Variants in TMEM44 observed in about 807,000 individuals in gnomAD.
TMEM44 encodes the protein transmembrane protein 44.
A neutral mutation model predicts 47.8 loss-of-function variants in TMEM44; 43 were observed. That is an observed-to-expected ratio of 0.90 (90% CI 0.70 to 1.16). TMEM44 has a LOEUF of 1.16. Ranked by LOEUF, TMEM44 falls within the 50% of genes most tolerant of loss-of-function variation. TMEM44 has a pLI of 0.00. For synonymous variants in TMEM44, 277 were observed against 238.8 expected (o/e 1.16, Z -1.48); for missense variants, 568 against 555.2 (o/e 1.02, Z -0.23).
chr3:194,618,611 T>C lies in TMEM44; in HGVS notation c.613-1342A>G, dbSNP rs1008584326. On this transcript the variant is annotated intron_variant, in intron 5 of 9. Transcript: ENST00000347147. ...TATAATTCAGTTTATATATAATACA[T>C]ATAAAATTTAGTTTATATACATAAT... Among the ~76,000 whole-genome samples the C allele has an allele frequency of 3.4e-4, 50 of 149,170 alleles. 1 individual carries two copies. The highest frequency in any genetic ancestry group is 1.5e-5 in the Non-Finnish European group (1 of 67,486).
intron 9 of TMEM44, chr3:194,590,051 G>C (rs976847705): frequency 1.3e-5 from 2 of 152,190 alleles, no homozygotes; most frequent in African/African-American, 4.8e-5. Context: ...ATAGACCCAG[G>C]CATGGACATG....
rs151037508 is a variant in TMEM44 at position 194,619,772 on chromosome 3, C to T, written c.613-2503G>A. On this transcript the variant is annotated intron_variant, in intron 5 of 9. Transcript: ENST00000347147. ...TAGCTCTCGGCTCTTCCTCCTGGAA[C>T]CAGAGTCACTGAGAGGCAGCAGCAG... Among the ~76,000 whole-genome samples the T allele has an allele frequency of 6.8e-3, 1,030 of 152,328 alleles. 1 individual carries two copies. Among genetic ancestry groups the T allele is most frequent in the Middle Eastern group, 0.017 (5 of 294 alleles).
chr3:194,623,771 C>G lies in TMEM44; in HGVS notation c.359-76G>C. ...AGATCAGATAGCTGCGTGGGAAGAA[C>G]TGGTGTCAGCTCCCCACATGATGCT... On this transcript the variant is annotated intron_variant, in intron 3 of 9. Transcript: ENST00000347147. 5 of 1,574,674 alleles carry G rather than the reference C, an allele frequency of 3.2e-6. No individual in the cohort carries two copies. The South Asian group carries it at 4.6e-5, about 15-fold the overall frequency.
intron 9 of TMEM44, chr3:194,589,656 G>A (rs937292235): frequency 2.6e-5 from 4 of 152,194 alleles, no homozygotes; most frequent in African/African-American, 9.7e-5. Flanking sequence ...ATTTGCAGGG[G>A]TGAGTGACGG....
chr3:194,626,654 G>A (rs1232347303), intron 2 of TMEM44, among the ~76,000 whole-genome samples: 3 of 151,996 alleles, frequency 2.0e-5, no homozygotes, highest in African/African-American at 4.8e-5. Flanking sequence ...AACACAAAAC[G>A]GTCTGTAGTG....
Position 194,611,005 on chromosome 3 carries a change from G to T in TMEM44, c.928C>A (p.Pro310Thr). The T allele has an allele frequency of 6.2e-7, 1 of 1,613,944 alleles. No homozygotes were observed. The change falls in exon 8 of 10, where the codon CCT becomes ACT. Residue 310 changes from proline (P) to threonine (T), a missense_variant. Pro to Thr is a conservative substitution (Grantham distance 38, BLOSUM62 -1). Transcript: ENST00000347147. The surrounding 1 kb of genome is among the most constrained non-coding windows in gnomAD (Gnocchi z 4.2). ...TTGCAGTGTGACAGTGTGGTGAGAGGCACCCAATCCAAATTCTTGCAAGTA... is the reference window on the plus strand; with the variant it reads ...TTGCAGTGTGACAGTGTGGTGAGAGTCACCCAATCCAAATTCTTGCAAGTA... The part of the protein sequence containing the change: ...EENQENLDWV[P>T]LTTLSHCKSL...
intron 9 of TMEM44, among the ~76,000 whole-genome samples, chr3:194,591,060 G>T (rs1387155568): frequency 6.7e-6 from 1 of 150,074 alleles, no homozygotes; most frequent in Non-Finnish European, 1.5e-5. Context: ...CAAGTATAGT[G>T]GTGGGCGCCC....
intron 9 of TMEM44, among the ~76,000 whole-genome samples, chr3:194,599,627 C>T (rs1022156197): frequency 3.5e-5 from 5 of 141,092 alleles, no homozygotes; most frequent in Admixed American, 1.5e-4. Flanking sequence ...TTCTATTGTC[C>T]AGGCTGGAAT....
chr3:194,619,789 C>T (rs1008250811), intron 5 of TMEM44, among the ~76,000 whole-genome samples: 1 of 152,196 alleles, frequency 6.6e-6, no homozygotes, highest in African/African-American at 2.4e-5. Flanking sequence ...CACTGAGAGG[C>T]AGCAGCAGCT....
At chr3:194,623,835 C>T (rs534809060) in intron 3 of TMEM44, 140 bp from the exon 4 acceptor site, 8 of 1,121,856 alleles carry the variant, frequency 7.1e-6, no homozygotes, top group Admixed American at 2.2e-5. Context: ...CCAGCTCCTC[C>T]CCACCCTTCA....
At position 194,588,071 on chromosome 3, in the gene TMEM44, G is replaced by A. The variant is rs1037872881; in HGVS notation, c.*458C>T. On this transcript the variant is annotated 3_prime_UTR_variant, in exon 10 of 10. Transcript: ENST00000347147. Reference sequence around the variant, plus strand: ...GTCTCGGTTCCTGTGTGTGACCCAAGGCCCCCCAGCACAGGGCCCACCCTC... The same window carrying A: ...GTCTCGGTTCCTGTGTGTGACCCAAAGCCCCCCAGCACAGGGCCCACCCTC... The A allele has an allele frequency of 1.9e-5, 3 of 155,360 alleles. No individual in the cohort carries two copies. Among genetic ancestry groups the A allele is most frequent in the African/African-American group, 7.2e-5 (3 of 41,496 alleles). The allele number at this position is 155,360 out of a possible 1,614,324, so 9.6% of individuals were successfully genotyped here. A position where few individuals can be genotyped will look rare whatever the true frequency, so the allele number is the denominator to read the frequency against.
chr3:194,625,830 G>A lies in TMEM44; in HGVS notation c.358+67C>T, dbSNP rs541911709. 5 of 1,380,250 alleles carry A rather than the reference G, an allele frequency of 3.6e-6. No individual in the cohort carries two copies. In the East Asian group the frequency reaches 7.0e-5, roughly 19 times the overall value. 85.5% of individuals were successfully genotyped at this position (1,380,250 alleles called of 1,614,324 possible). On this transcript the variant is annotated intron_variant, in intron 3 of 9. Coordinates refer to ENST00000347147, the MANE Select transcript of TMEM44 (RefSeq NM_001011655.3). ...GGGCCCGCTCTGGGAGTGATAAGGA[G>A]TAGGCATTCGGCGTGCTGATGAATG...
rs370371509 is a variant in TMEM44, at chr3:194,604,421, G to A, written c.1042C>T (p.Pro348Ser). 1.0e-5 allele frequency: 16 copies of A among 1,526,056 alleles called. No individual in the cohort carries two copies. The highest frequency in any genetic ancestry group is 1.4e-5 in the Non-Finnish European group (16 of 1,129,652). The allele number at this position is 1,526,056 out of a possible 1,614,324, so 94.5% of individuals were successfully genotyped here. The change falls in exon 9 of 10, where the codon CCA becomes TCA. Residue 348 changes from proline (P) to serine (S), a missense_variant. Pro to Ser is a moderately conservative substitution (Grantham distance 74, BLOSUM62 -1). Coordinates refer to ENST00000347147, the MANE Select transcript of TMEM44 (RefSeq NM_001011655.3). ...QQAGCSATRLPGDGQTSAGDA... is the reference protein window; with the variant it reads ...QQAGCSATRLSGDGQTSAGDA... ...CCGGCGCTCGTCTGCCCGTCACCTG[G>A]CAGCCTGGTGGCACTGCAGCCTGCC...
rs1715284366 is a variant in TMEM44 at position 194,611,138 on chromosome 3, T to G, written c.913-118A>C. On this transcript the variant is annotated intron_variant, in intron 7 of 9. Coordinates refer to ENST00000347147, the MANE Select transcript of TMEM44 (RefSeq NM_001011655.3). The surrounding 1 kb of genome is among the most constrained non-coding windows in gnomAD (Gnocchi z 4.2). ...CCGTGGTATTTTCTCTCTCTCTTTT[T>G]TAACGGCACGTCTCACTTTCTGCTT... 1 of 771,186 alleles carries G rather than the reference T, an allele frequency of 1.3e-6. No individual in the cohort carries two copies. The highest frequency in any genetic ancestry group is 1.7e-5 in the African/African-American group (1 of 57,990). The allele number at this position is 771,186 out of a possible 1,614,324, so 47.8% of individuals were successfully genotyped here.
intron 8 of TMEM44, 120 bp downstream of exon 8, chr3:194,610,796 T>TA: frequency 1.2e-6 from 1 of 861,270 alleles, no homozygotes; most frequent in Admixed American, 2.3e-5. Flanking sequence ...CCTTCTTTTT[T>TA]ACCTGCTTCT....
rs755686102 is a variant in TMEM44 at position 194,610,965 on chromosome 3, A to T, written c.968T>A (p.Met323Lys). The stretch of plus-strand genomic sequence containing the variant: ...CTCCATGTAGCGACTGATTGCTGTC[A>T]TTGTCCTCAGTGACTTGCAGTGTGA... ...TLSHCKSLRT[M>K]TAISRYMELT... The change falls in exon 8 of 10, where the codon ATG becomes AAG. Residue 323 changes from methionine (M) to lysine (K), a missense_variant. Met to Lys is a moderately conservative substitution (Grantham distance 95). Coordinates refer to ENST00000347147, the MANE Select transcript of TMEM44 (RefSeq NM_001011655.3). 3 of 1,614,034 alleles carry T rather than the reference A, an allele frequency of 1.9e-6. No homozygotes were observed. The highest frequency in any genetic ancestry group is 2.5e-6 in the Non-Finnish European group (3 of 1,180,002).
At chr3:194,630,108 C>T (rs1175199622) in intron 1 of TMEM44, among the ~76,000 whole-genome samples, 2 of 109,372 alleles carry the variant, frequency 1.8e-5, no homozygotes, top group South Asian at 4.8e-4. Flanking sequence ...CTGTTTCCAT[C>T]GGCGTCACTG....
chr3:194,623,762 T>C, intron 3 of TMEM44, 67 bp from the exon 4 acceptor site: 1 of 1,591,618 alleles, frequency 6.3e-7, no homozygotes. Flanking sequence ...GATAGCTGCG[T>C]GGGAAGAACT....
chr3:194,613,397 C>T (rs912814373), intron 7 of TMEM44, among the ~76,000 whole-genome samples: 12 of 151,114 alleles, frequency 7.9e-5, no homozygotes, highest in African/African-American at 2.7e-4. Context: ...AGGCTGGTCT[C>T]GAACTCTTGA....
Sources: allele counts gnomAD v4.1 joint callset (sites outside exome capture counted in the v4.1 genomes callset), GRCh38; gene constraint gnomAD v4.1.1; non-coding constraint Gnocchi (gnomAD v3.1); transcripts MANE v1.5; gene names NCBI Gene and HGNC (gene_info 2026-07-23, HGNC 2026-07-21).